TTC9C: variants seen among roughly 807,000 people sequenced by gnomAD.
TTC9C encodes the protein tetratricopeptide repeat domain 9C, also known as tetratricopeptide repeat protein 9C.
Under a neutral mutation model 22.5 loss-of-function variants are expected in TTC9C, and 15 were observed. That is an observed-to-expected ratio of 0.67 (90% confidence interval 0.45 to 1.03). The LOEUF (loss-of-function observed/expected upper bound fraction) is 1.03, where lower values mean the gene tolerates loss of function less well. TTC9C is among the 50% of genes least tolerant of loss of function. The pLI is 0.00. For missense variants in TTC9C, 244 were observed against 214.6 expected, an observed-to-expected ratio of 1.14 and a Z score of -0.86; for synonymous variants, 92 against 86.8, an observed-to-expected ratio of 1.06 and a Z score of -0.33.
chr11:62,734,227 G>A (rs1210615706), intron 1 of TTC9C, among the ~76,000 whole-genome samples: 1 of 151,952 alleles, frequency 6.6e-6, no homozygotes, highest in African/African-American at 2.4e-5. Context: ...GAACCCAGGA[G>A]GCGGAGGTTG....
chr11:62,729,106 G>A lies in TTC9C; in HGVS notation c.238+20G>A, dbSNP rs756806464. On this transcript the variant is annotated intron_variant, in intron 1 of 2. Coordinates refer to ENST00000316461, the MANE Select transcript of TTC9C (RefSeq NM_173810.4). ...TAGCTGGTAAGAACGGGGCTAAAGG[G>A]TGGCTAGAGAGCATTAAGACAGGAA... 1.9e-6 allele frequency: 3 copies of A among 1,604,660 alleles called. No homozygotes were observed. The highest frequency in any genetic ancestry group is 2.6e-6 in the Non-Finnish European group (3 of 1,172,012).
chr11:62,728,858 C>T lies in TTC9C; in HGVS notation c.10C>T (p.Arg4Cys), dbSNP rs1238347897. The change falls in exon 1 of 3, where the codon CGT becomes TGT. Residue 4 changes from arginine (R) to cysteine (C), a missense_variant. Transcript: ENST00000316461. ...ACCGTGGGCGACAGTTATGGAGAAG[C>T]GTCTGCAGGAGGCTCAGCTGTACAA... MEK[R>C]LQEAQLYKEE... 4 of 1,613,994 alleles carry T rather than the reference C, an allele frequency of 2.5e-6. No individual in the cohort carries two copies. The highest frequency in any genetic ancestry group is 1.1e-5 in the South Asian group (1 of 91,088).
At chr11:62,730,045 A>G (rs1235065229) in intron 1 of TTC9C, among the ~76,000 whole-genome samples, 1 of 152,160 alleles carries the variant, frequency 6.6e-6, no homozygotes, top group Admixed American at 6.5e-5. Context: ...CCTTATATTC[A>G]GTGGGTCGTA....
chr11:62,729,002 C>T lies in TTC9C; in HGVS notation c.154C>T (p.Leu52Phe), dbSNP rs1288159602. ...GAGTCTGCCCTCTCCGTTACCTAAT[C>T]TCGGACCTCAGGGCCCGGCCCTCAC... is the stretch of plus-strand genomic sequence containing the variant. Reference protein sequence around the residue: ...DPSLPSPLPNLGPQGPALTPE... With the variant: ...DPSLPSPLPNFGPQGPALTPE... Residue 52 changes from leucine to phenylalanine, a missense_variant, in exon 1 of 3, where the codon CTC (leucine) becomes TTC (phenylalanine). Leu to Phe is a conservative substitution (Grantham distance 22). Transcript: ENST00000316461. 2 of 1,614,040 alleles carry T rather than the reference C, an allele frequency of 1.2e-6. No homozygotes were observed. The highest frequency in any genetic ancestry group is 2.2e-5 in the East Asian group (1 of 44,900).
chr11:62,730,232 G>A (rs1225057792), intron 1 of TTC9C, among the ~76,000 whole-genome samples: 1 of 151,912 alleles, frequency 6.6e-6, no homozygotes, highest in East Asian at 1.9e-4. Context: ...GTGCCACCAC[G>A]CCTGGCTAAT....
intron 1 of TTC9C, among the ~76,000 whole-genome samples, chr11:62,730,027 T>A (rs1183504504): frequency 1.3e-5 from 2 of 152,236 alleles, no homozygotes; most frequent in Non-Finnish European, 2.9e-5. Context: ...TAGCTGCTAG[T>A]TTAGATCCCT....
At position 62,736,527 on chromosome 11, in the gene TTC9C, T is replaced by C. The variant is rs1024244003; in HGVS notation, c.421+963T>C. On this transcript the variant is annotated intron_variant, in intron 2 of 2. Coordinates refer to ENST00000316461, the MANE Select transcript of TTC9C (RefSeq NM_173810.4). ...GGCTAACATGGGGAAACTCCGTCTC[T>C]ATTAAAAATACAAAAAATTAGCCGG... Among the ~76,000 whole-genome samples the C allele has an allele frequency of 4.0e-5, 6 of 151,754 alleles. 1 individual carries two copies. Among genetic ancestry groups the C allele is most frequent in the Middle Eastern group, 6.3e-3 (2 of 316 alleles).
In TTC9C at chr11:62,728,874, A is replaced by C; in HGVS notation, c.26A>C (p.Gln9Pro). 6.2e-7 allele frequency: 1 copy of C among 1,614,182 alleles called. No individual in the cohort carries two copies. Among genetic ancestry groups the C allele is most frequent in the Non-Finnish European group, 8.5e-7 (1 of 1,180,028 alleles). Residue 9 changes from glutamine (Q) to proline (P), a missense_variant, in exon 1 of 3, where the codon CAG becomes CCG. Gln to Pro is a moderately conservative substitution (Grantham distance 76). Coordinates refer to ENST00000316461, the MANE Select transcript of TTC9C (RefSeq NM_173810.4). MEKRLQEAQLYKEEGNQRY... is the reference protein window; with the variant it reads MEKRLQEAPLYKEEGNQRY... ...ATGGAGAAGCGTCTGCAGGAGGCTCAGCTGTACAAGGAGGAAGGGAACCAG... is the reference window on the plus strand; with the variant it reads ...ATGGAGAAGCGTCTGCAGGAGGCTCCGCTGTACAAGGAGGAAGGGAACCAG...
At chr11:62,728,411 T>A, upstream of TTC9C, 1 of 414,650 alleles carries the variant, frequency 2.4e-6, no homozygotes, top group Non-Finnish European at 4.8e-6. Flanking sequence ...CCCTCTGGAG[T>A]TTTAGCACTA....
intron 1 of TTC9C, among the ~76,000 whole-genome samples, chr11:62,732,048 G>A (rs1169104865): frequency 3.0e-5 from 4 of 135,104 alleles, no homozygotes; most frequent in Admixed American, 8.1e-5. Flanking sequence ...CCAGGCTGGC[G>A]TCAGTGGCGC....
chr11:62,731,483 G>A (rs1418105503), intron 1 of TTC9C, among the ~76,000 whole-genome samples: 1 of 152,046 alleles, frequency 6.6e-6, no homozygotes, highest in Non-Finnish European at 1.5e-5. Context: ...GGTAGTCCCA[G>A]CTATTCTGGA....
chr11:62,735,218 C>T (rs2083896700), intron 1 of TTC9C, among the ~76,000 whole-genome samples, 164 bp from the exon 2 acceptor site: 1 of 152,160 alleles, frequency 6.6e-6, no homozygotes, highest in South Asian at 2.1e-4. Flanking sequence ...TTATTCACTG[C>T]TGCATCCCCA....
chr11:62,733,454 C>G (rs998400943), intron 1 of TTC9C, among the ~76,000 whole-genome samples: 9 of 152,128 alleles, frequency 5.9e-5, no homozygotes, highest in Non-Finnish European at 8.8e-5. Flanking sequence ...GCACATAGCA[C>G]AGCGCTTGCC....
At chr11:62,731,602 C>T (rs558019910) in intron 1 of TTC9C, among the ~76,000 whole-genome samples, 4 of 152,110 alleles carry the variant, frequency 2.6e-5, no homozygotes, top group South Asian at 4.1e-4. Flanking sequence ...CTCTGTCCCC[C>T]GATTCCTCCC....
intron 1 of TTC9C, among the ~76,000 whole-genome samples, chr11:62,734,426 C>T (rs1412924602): frequency 6.6e-6 from 1 of 151,636 alleles, no homozygotes; most frequent in African/African-American, 2.4e-5. Flanking sequence ...ATGGTGAAAC[C>T]CCATCTCTAC....
rs1425099437 is a variant in TTC9C, at chr11:62,735,470, G to T, written c.327G>T (p.Lys109Asn). The T allele has an allele frequency of 2.5e-6, 4 of 1,614,014 alleles. No homozygotes were observed. Among genetic ancestry groups the T allele is most frequent in the Non-Finnish European group, 8.5e-7 (1 of 1,180,020 alleles). Reference protein sequence around the residue: ...KVLERQPDNAKALYRAGVAFF... With the variant: ...KVLERQPDNANALYRAGVAFF... ...TGGAACGACAGCCTGATAATGCCAAGGCCTTGTATCGGGCCGGAGTGGCCT... is the reference window on the plus strand; with the variant it reads ...TGGAACGACAGCCTGATAATGCCAATGCCTTGTATCGGGCCGGAGTGGCCT... Residue 109 changes from lysine (K) to asparagine (N), a missense_variant, in exon 2 of 3, where the codon AAG (lysine) becomes AAT (asparagine). Transcript: ENST00000316461.
At chr11:62,731,529 CG>C (rs771683944) in intron 1 of TTC9C, among the ~76,000 whole-genome samples, 2 of 152,026 alleles carry the variant, frequency 1.3e-5, no homozygotes, top group Non-Finnish European at 2.9e-5. Context: ...CATGGGAGGC[CG>C]GGGCTGCAGT....
At chr11:62,738,145 A>G (rs892612602) in intron 2 of TTC9C, 143 bp from the exon 3 acceptor site, 5 of 410,470 alleles carry the variant, frequency 1.2e-5, no homozygotes, top group Admixed American at 4.2e-5. Flanking sequence ...GAGATTTACT[A>G]TTGCATAGAA....
intron 1 of TTC9C, among the ~76,000 whole-genome samples, chr11:62,734,659 A>G (rs974943294): frequency 6.6e-6 from 1 of 151,904 alleles, no homozygotes; most frequent in Non-Finnish European, 1.5e-5. Flanking sequence ...CTGCCAAAAA[A>G]AAGGGACAGG....
Sources: allele counts gnomAD v4.1 joint callset (sites outside exome capture counted in the v4.1 genomes callset), GRCh38; gene constraint gnomAD v4.1.1; transcripts MANE v1.5; gene names NCBI Gene and HGNC (gene_info 2026-07-23, HGNC 2026-07-21).